The following ARHGEF7 variants were observed in gnomAD, a reference collection of about 807,000 sequenced individuals.
ARHGEF7 encodes Rho guanine nucleotide exchange factor 7, also known as PAK-interacting exchange factor beta.
A neutral mutation model predicts 109.8 loss-of-function variants in ARHGEF7; 33 were observed. That is an observed-to-expected ratio of 0.30 (90% CI 0.23 to 0.40). The LOEUF (loss-of-function observed/expected upper bound fraction) is 0.40. Ranked by LOEUF, ARHGEF7 falls within the 10% of genes least tolerant of loss-of-function variation. The probability of loss-of-function intolerance (pLI) is 1.00; values close to 1 mark genes in which losing one functional copy is unlikely to be tolerated. For synonymous variants in ARHGEF7, 458 were observed against 424.6 expected, an observed-to-expected ratio of 1.08 and a Z score of -0.97; for missense variants, 938 against 1,098.5, an observed-to-expected ratio of 0.85 and a Z score of 2.07.
intron 1 of ARHGEF7, among the ~76,000 whole-genome samples, chr13:111,149,742 TACAC>T (rs1168182498): frequency 4.6e-5 from 7 of 152,350 alleles, no homozygotes; most frequent in African/African-American, 7.2e-5. Context: ...CAGTCATAAG[TACAC>T]ACATGCACAC....
chr13:111,247,517 C>T (rs912827355), intron 8 of ARHGEF7, among the ~76,000 whole-genome samples: 3 of 152,042 alleles, frequency 2.0e-5, no homozygotes, highest in African/African-American at 4.8e-5. Context: ...ATGAACCACC[C>T]GCCTCAGCCT....
chr13:111,191,052 T>A (rs2079830336), intron 2 of ARHGEF7, among the ~76,000 whole-genome samples: 1 of 152,028 alleles, frequency 6.6e-6, no homozygotes, highest in Non-Finnish European at 1.5e-5. Context: ...GAGAAAGCAT[T>A]CACTAGTGGT....
At chr13:111,139,424 CTA>C (rs1293120399) in intron 1 of ARHGEF7, among the ~76,000 whole-genome samples, 1 of 152,262 alleles carries the variant, frequency 6.6e-6, no homozygotes, top group African/African-American at 2.4e-5. Flanking sequence ...CTCTCTGTGT[CTA>C]TGTCTCTGTC....
Position 111,279,841 on chromosome 13 carries a change from C to T in ARHGEF7, c.1507-431C>T, listed in dbSNP as rs553083703. ...TCTTGTTCTTGCCTCAATTTCCCACCCTTATTTTGACTTTAAACTTGGAAC... is the reference window on the plus strand; with the variant it reads ...TCTTGTTCTTGCCTCAATTTCCCACTCTTATTTTGACTTTAAACTTGGAAC... On this transcript the variant is annotated intron_variant, in intron 13 of 21. Transcript: ENST00000646102. Among the ~76,000 whole-genome samples, 19 of 152,306 alleles carry T rather than the reference C, an allele frequency of 1.2e-4. 1 individual carries two copies. The highest frequency in any genetic ancestry group is 4.1e-4 in the African/African-American group (17 of 41,550).
chr13:111,120,470 AATACAC>A (rs1039317222), intron 1 of ARHGEF7, among the ~76,000 whole-genome samples: 5 of 87,764 alleles, frequency 5.7e-5, no homozygotes, highest in African/African-American at 2.3e-4. Flanking sequence ...CATGCATGTA[AATACAC>A]ACACACACAG....
rs75991596 is a variant in ARHGEF7, at chr13:111,166,720, G to A, written c.252+12729G>A. On this transcript the variant is annotated intron_variant, in intron 2 of 21. Coordinates refer to ENST00000646102, the MANE Select transcript of ARHGEF7 (RefSeq NM_001354046.2). ...ATGGGGAAGTCTGGCAGGGCCAGAT[G>A]TGGGCACTCAGCTTCAGACATGCTC... 3.6e-3 allele frequency among the ~76,000 whole-genome samples: 552 copies of A among 152,346 alleles called. 4 individuals carry two copies. Among genetic ancestry groups the A allele is most frequent in the Middle Eastern group, 6.8e-3 (2 of 294 alleles).
At position 111,272,855 on chromosome 13, in the gene ARHGEF7, C is replaced by T. The variant is rs1316410370; in HGVS notation, c.1074-959C>T. Among the ~76,000 whole-genome samples the T allele has an allele frequency of 1.3e-5, 2 of 152,120 alleles. No individual in the cohort carries two copies. Among genetic ancestry groups the T allele is most frequent in the Admixed American group, 6.6e-5 (1 of 15,262 alleles). ...ATCGCCAGTGAAGGGGTGTTGCGGT[C>T]AGGTGACTGTCAGCCTTAACAAACG... On this transcript the variant is annotated intron_variant, in intron 9 of 21. Coordinates refer to ENST00000646102, the MANE Select transcript of ARHGEF7 (RefSeq NM_001354046.2). The surrounding 1 kb of genome is among the most constrained non-coding windows in gnomAD (Gnocchi z 5.2).
chr13:111,243,229 GT>G (rs35764822), intron 6 of ARHGEF7, among the ~76,000 whole-genome samples: 48,771 of 151,922 alleles, frequency 0.32, 8,540 homozygotes, highest in Non-Finnish European at 0.39. Context: ...AGAGTAAACT[GT>G]TTTTTTAGTT....
At chr13:111,176,684 G>C (rs2078197484) in intron 2 of ARHGEF7, among the ~76,000 whole-genome samples, 1 of 152,224 alleles carries the variant, frequency 6.6e-6, no homozygotes, top group South Asian at 2.1e-4. Flanking sequence ...TCCCCCATCT[G>C]CTCTTGAGCT....
chr13:111,257,945 G>A (rs7988032), intron 8 of ARHGEF7, among the ~76,000 whole-genome samples: 26,654 of 152,238 alleles, frequency 0.18, 3,229 homozygotes, highest in East Asian at 0.69. Flanking sequence ...CCGCCACTGT[G>A]GGCTAAAATG....
chr13:111,237,865 G>C (rs1246240288), intron 6 of ARHGEF7, among the ~76,000 whole-genome samples: 1 of 152,220 alleles, frequency 6.6e-6, no homozygotes, highest in Non-Finnish European at 1.5e-5. Flanking sequence ...TTTCTTTCCA[G>C]TGGAGGAATT....
intron 2 of ARHGEF7, 145 bp downstream of exon 2, chr13:111,154,136 G>A (rs1174472059): frequency 8.9e-6 from 8 of 898,226 alleles, no homozygotes; most frequent in African/African-American, 5.4e-5. Context: ...GGGATGTGTG[G>A]AACGGGGCGT....
intron 18 of ARHGEF7, among the ~76,000 whole-genome samples, chr13:111,289,329 C>A (rs934456624): frequency 6.6e-6 from 1 of 152,176 alleles, no homozygotes; most frequent in Admixed American, 6.5e-5. Flanking sequence ...ACACAGTGCT[C>A]GGCCCTAAGG....
chr13:111,228,594 A>G lies in ARHGEF7; in HGVS notation c.671-4611A>G, dbSNP rs1240159656. ...AAGTTTGGGAAAAAGTAATGGCACA[A>G]TTATAACATTTTCGAACAAAGATCG... On this transcript the variant is annotated intron_variant, in intron 5 of 21. Coordinates refer to ENST00000646102, the MANE Select transcript of ARHGEF7 (RefSeq NM_001354046.2). This position sits in a 1 kb window ranked among gnomAD's most constrained non-coding sequence, Gnocchi z 4.6. Among the ~76,000 whole-genome samples the G allele has an allele frequency of 6.6e-6, 1 of 152,208 alleles. No individual in the cohort carries two copies. Among genetic ancestry groups the G allele is most frequent in the Non-Finnish European group, 1.5e-5 (1 of 68,042 alleles).
chr13:111,169,934 CAG>C (rs534288635), intron 2 of ARHGEF7, among the ~76,000 whole-genome samples: 41 of 152,222 alleles, frequency 2.7e-4, no homozygotes, highest in South Asian at 6.2e-4. Context: ...TGCAGAATAT[CAG>C]GGGGTGAGGT....
chr13:111,220,292 T>C (rs767699391), intron 5 of ARHGEF7, among the ~76,000 whole-genome samples: 3 of 152,232 alleles, frequency 2.0e-5, no homozygotes, highest in Non-Finnish European at 4.4e-5. Context: ...ACAGAACTGC[T>C]AAGTGGGACG....
At chr13:111,245,365 A>C (rs1232165496) in intron 8 of ARHGEF7, among the ~76,000 whole-genome samples, 2 of 152,074 alleles carry the variant, frequency 1.3e-5, no homozygotes, top group Admixed American at 1.3e-4. Flanking sequence ...GTATGTCACA[A>C]TCTGATTGAG....
intron 5 of ARHGEF7, among the ~76,000 whole-genome samples, chr13:111,223,121 C>T (rs1046210928): frequency 7.9e-5 from 12 of 152,164 alleles, no homozygotes; most frequent in Non-Finnish European, 1.5e-4. Context: ...GATATAGCTG[C>T]AGTTTCAGAC....
rs2093605173 is a variant in ARHGEF7 at position 111,303,007 on chromosome 13, A to C, written c.2483A>C (p.Lys828Thr). 6.2e-7 allele frequency: 1 copy of C among 1,614,184 alleles called. No individual in the cohort carries two copies. Among genetic ancestry groups the C allele is most frequent in the East Asian group, 2.2e-5 (1 of 44,882 alleles). Reference protein sequence around the residue: ...QELRQDNKKMKKSLEEEQRAR... With the variant: ...QELRQDNKKMTKSLEEEQRAR... The stretch of plus-strand genomic sequence containing the variant: ...AATTTACAGGACAACAAAAAGATGA[A>C]GAAATCTCTAGAGGAAGAACAGAGA... The change falls in exon 22 of 22, where the codon AAG becomes ACG. Residue 828 changes from lysine to threonine, a missense_variant. Lys to Thr is a moderately conservative substitution (Grantham distance 78, BLOSUM62 -1). This residue lies in a region of ARHGEF7 where 166 missense variants were observed against 167.3 expected (regional missense o/e 0.99). Coordinates refer to ENST00000646102, the MANE Select transcript of ARHGEF7 (RefSeq NM_001354046.2).
Sources: allele counts gnomAD v4.1 joint callset (sites outside exome capture counted in the v4.1 genomes callset), GRCh38; gene constraint gnomAD v4.1.1; regional missense constraint gnomAD v4.1.1; non-coding constraint Gnocchi (gnomAD v3.1); transcripts MANE v1.5; gene names NCBI Gene and HGNC (gene_info 2026-07-23, HGNC 2026-07-21).